Variants in COMT observed in about 807,000 individuals in gnomAD.
COMT encodes catechol O-methyltransferase.
COMT carries 13 observed loss-of-function variants against 18.9 expected under a neutral mutation model. The ratio of observed to expected loss-of-function variants is 0.69; its 90% CI spans 0.45 to 1.09. The LOEUF (loss-of-function observed/expected upper bound fraction) is 1.09, where lower values mean the gene tolerates loss of function less well. Ranked by LOEUF, COMT falls within the 50% of genes least tolerant of loss-of-function variation. COMT has a pLI of 0.00. For synonymous variants in COMT, 150 were observed against 160.9 expected, an observed-to-expected ratio of 0.93 and a Z score of 0.51; for missense variants, 329 against 361.8, an observed-to-expected ratio of 0.91 and a Z score of 0.73.
rs1294080417 is a variant in COMT, at chr22:19,941,812, G to T, written c.-177G>T. ...ACCGCCATTGCCGCCATCGTCGTGG[G>T]GCTTCTGGGGCAGCTAGGGCTGCCC... On this transcript the variant is annotated 5_prime_UTR_variant, in exon 1 of 6. Transcript: ENST00000361682. The T allele has an allele frequency of 1.3e-6, 2 of 1,530,224 alleles. No homozygotes were observed. The highest frequency in any genetic ancestry group is 2.6e-5 in the East Asian group (1 of 37,848). 94.8% of individuals were successfully genotyped at this position (1,530,224 alleles called of 1,614,324 possible).
chr22:19,968,834 C>A lies in COMT; in HGVS notation c.*98C>A. On this transcript the variant is annotated 3_prime_UTR_variant, in exon 6 of 6. Transcript: ENST00000361682. The stretch of plus-strand genomic sequence containing the variant: ...ACCTTCTGCGGCTCCGGGCTGTGTC[C>A]TAAATGCAAAGCACACCTCGGCCGA... 8.3e-7 allele frequency: 1 copy of A among 1,203,688 alleles called. No homozygotes were observed. The highest frequency in any genetic ancestry group is 1.2e-6 in the Non-Finnish European group (1 of 841,158). 74.6% of individuals were successfully genotyped at this position (1,203,688 alleles called of 1,614,324 possible).
Position 19,963,631 on chromosome 22 carries a change from T to C in COMT, c.355T>C (p.Cys119Arg). 1.2e-6 allele frequency: 2 copies of C among 1,612,988 alleles called. No individual in the cohort carries two copies. The highest frequency in any genetic ancestry group is 1.7e-6 in the Non-Finnish European group (2 of 1,180,022). Residue 119 changes from cysteine (C) to arginine (R), a missense_variant, in exon 4 of 6, where the codon TGT becomes CGT. Cys to Arg is a radical substitution (Grantham distance 180). Transcript: ENST00000361682. ...CGTGCTGCTGGAGCTGGGGGCCTAC[T>C]GTGGCTACTCAGCTGTGCGCATGGC... ...PSVLLELGAY[C>R]GYSAVRMARL...
chr22:19,943,420 G>C (rs1480954906), intron 1 of COMT, among the ~76,000 whole-genome samples: 2 of 152,158 alleles, frequency 1.3e-5, no homozygotes, highest in Non-Finnish European at 2.9e-5. Context: ...GGCCGAGGAG[G>C]ATCACTTGAG....
chr22:19,947,070 C>T (rs901401039), intron 1 of COMT, among the ~76,000 whole-genome samples: 1 of 151,926 alleles, frequency 6.6e-6, no homozygotes, highest in Non-Finnish European at 1.5e-5. Context: ...TGTGCACCAT[C>T]ACACCCAGCT....
chr22:19,968,040 G>A (rs535897884), intron 5 of COMT, among the ~76,000 whole-genome samples: 2 of 152,154 alleles, frequency 1.3e-5, no homozygotes, highest in African/African-American at 2.4e-5. Context: ...GGGATGTCCA[G>A]AACTGACCCC....
At chr22:19,951,699 G>A (rs922407628) in intron 1 of COMT, 1 of 152,300 alleles carries the variant, frequency 6.6e-6, no homozygotes, top group South Asian at 2.1e-4. Context: ...GACAGGAGGG[G>A]AGAGAGCCGA....
chr22:19,968,573 C>T lies in COMT; in HGVS notation c.653C>T (p.Ala218Val). ...CTGCGGAAGGGGACAGTGCTACTGG[C>T]TGACAACGTGATCTGCCCAGGTGCG... ...GLLRKGTVLL[A>V]DNVICPGAPD... Residue 218 changes from alanine (A) to valine (V), a missense_variant, in exon 6 of 6, where the codon GCT becomes GTT. Ala to Val is a moderately conservative substitution (Grantham distance 64). Coordinates refer to ENST00000361682, the MANE Select transcript of COMT (RefSeq NM_000754.4). 1 of 1,614,098 alleles carries T rather than the reference C, an allele frequency of 6.2e-7. No individual in the cohort carries two copies. The highest frequency in any genetic ancestry group is 8.5e-7 in the Non-Finnish European group (1 of 1,180,010).
rs919062139 is a variant in COMT at position 19,963,998 on chromosome 22, T to C, written c.484-170T>C. 1.4e-5 allele frequency: 19 copies of C among 1,361,946 alleles called. No individual in the cohort carries two copies. In the Admixed American group the frequency reaches 2.7e-4, roughly 19 times the overall value. 84.4% of individuals were successfully genotyped at this position (1,361,946 alleles called of 1,614,324 possible). The stretch of plus-strand genomic sequence containing the variant: ...GGCACCAGGAGGGGCAGGGACAGAG[T>C]GGGGCCTTGTCATCCCAGAACCCTA... On this transcript the variant is annotated intron_variant, in intron 4 of 5. Coordinates refer to ENST00000361682, the MANE Select transcript of COMT (RefSeq NM_000754.4).
chr22:19,962,397 A>C, intron 2 of COMT, 130 bp from the exon 3 acceptor site: 5 of 1,475,432 alleles, frequency 3.4e-6, no homozygotes, highest in Non-Finnish European at 4.5e-6. Context: ...ACTGAGGCAC[A>C]AGGCTGGCAT....
At chr22:19,953,347 G>A (rs899189673) in intron 1 of COMT, among the ~76,000 whole-genome samples, 1 of 152,144 alleles carries the variant, frequency 6.6e-6, no homozygotes, top group Non-Finnish European at 1.5e-5. Context: ...CTGGAGTGCA[G>A]TGGCACTATC....
At chr22:19,948,954 C>CAAAAAA (rs71186636) in intron 1 of COMT, among the ~76,000 whole-genome samples, 11 of 86,876 alleles carry the variant, frequency 1.3e-4, no homozygotes, top group African/African-American at 3.0e-4. Context: ...GACTCTGTCT[C>CAAAAAA]AAAAAAAAAA....
intron 2 of COMT, chr22:19,962,310 G>GCA: frequency 1.4e-6 from 1 of 714,746 alleles, no homozygotes; most frequent in Non-Finnish European, 2.3e-6. Context: ...ACTGCCAGAG[G>GCA]CACACACCTG....
At chr22:19,947,303 GC>G (rs1177855911) in intron 1 of COMT, among the ~76,000 whole-genome samples, 2 of 152,168 alleles carry the variant, frequency 1.3e-5, no homozygotes, top group Admixed American at 1.3e-4. Context: ...CTCCCCGTGT[GC>G]AGAGATGAGA....
chr22:19,946,645 G>T (rs377404687), intron 1 of COMT, among the ~76,000 whole-genome samples: 129 of 152,240 alleles, frequency 8.5e-4, no homozygotes, highest in African/African-American at 2.7e-3. Context: ...AATGACAAAA[G>T]ACTTAAAATA....
intron 5 of COMT, chr22:19,967,466 GCTGTCCC>G (rs768034116): frequency 6.6e-6 from 3 of 457,034 alleles, no homozygotes; most frequent in South Asian, 4.8e-5. Flanking sequence ...GGACCTTGGG[GCTGTCCC>G]CTGACCTCAC....
intron 1 of COMT, among the ~76,000 whole-genome samples, chr22:19,950,308 C>T (rs1166070522): frequency 1.6e-5 from 2 of 126,924 alleles, no homozygotes; most frequent in Non-Finnish European, 3.2e-5. Context: ...TGGTCTTGAA[C>T]TCCTAGCCTC....
At chr22:19,962,443 GA>G in intron 2 of COMT, 83 bp from the exon 3 acceptor site, 3 of 1,538,650 alleles carry the variant, frequency 1.9e-6, no homozygotes, top group Non-Finnish European at 2.6e-6. Context: ...ACAAGGGGGC[GA>G]TGGTGGCACT....
chr22:19,943,852 C>T (rs1941791243), intron 1 of COMT, among the ~76,000 whole-genome samples: 1 of 151,796 alleles, frequency 6.6e-6, no homozygotes, highest in Admixed American at 6.6e-5. Flanking sequence ...GCATTGGTAT[C>T]CCAGTTGTGG....
intron 1 of COMT, among the ~76,000 whole-genome samples, chr22:19,959,915 G>A (rs1302971884): frequency 6.6e-6 from 1 of 152,148 alleles, no homozygotes; most frequent in Non-Finnish European, 1.5e-5. Flanking sequence ...AGAGCCGCGG[G>A]CAGGTGGGAC....
Sources: allele counts gnomAD v4.1 joint callset (sites outside exome capture counted in the v4.1 genomes callset), GRCh38; gene constraint gnomAD v4.1.1; transcripts MANE v1.5; gene names NCBI Gene and HGNC (gene_info 2026-07-23, HGNC 2026-07-21).